PRR5L: variants seen among roughly 807,000 people sequenced by gnomAD.
PRR5L encodes the protein proline rich 5 like, also known as proline-rich protein 5-like.
In PRR5L, 21 loss-of-function variants were observed where a neutral mutation model predicts 36.4. That is an observed-to-expected ratio of 0.58 (90% confidence interval 0.41 to 0.83). PRR5L has a LOEUF of 0.83. Among genes scored for constraint, PRR5L ranks in the 40% least tolerant of loss-of-function variants. The probability of loss-of-function intolerance (pLI) is 0.00; values close to 1 mark genes in which losing one functional copy is unlikely to be tolerated. For synonymous variants in PRR5L, 188 were observed against 197.0 expected, an observed-to-expected ratio of 0.95 and a Z score of 0.38; for missense variants, 381 against 473.3, an observed-to-expected ratio of 0.80 and a Z score of 1.81.
intron 1 of PRR5L, among the ~76,000 whole-genome samples, chr11:36,365,005 C>T (rs899805708): frequency 6.6e-6 from 1 of 152,214 alleles, no homozygotes; most frequent in South Asian, 2.1e-4. Context: ...CCGTACATCA[C>T]AGGCAGGCTG....
chr11:36,348,978 C>T (rs1394333622), intron 1 of PRR5L, among the ~76,000 whole-genome samples: 1 of 152,074 alleles, frequency 6.6e-6, no homozygotes, highest in Admixed American at 6.5e-5. Context: ...TCCTTAGCAT[C>T]CCTCGCTGAA....
chr11:36,385,750 A>G (rs1401587658), intron 1 of PRR5L, among the ~76,000 whole-genome samples: 1 of 152,162 alleles, frequency 6.6e-6, no homozygotes. Flanking sequence ...AGTTGCAAAG[A>G]TTGGTCCTTA....
intron 1 of PRR5L, among the ~76,000 whole-genome samples, chr11:36,378,084 A>T (rs552410045): frequency 6.6e-6 from 1 of 152,312 alleles, no homozygotes; most frequent in South Asian, 2.1e-4. Flanking sequence ...AGAAATTTGC[A>T]GTCATGACAT....
At chr11:36,306,948 A>C (rs1318310397) in intron 1 of PRR5L, among the ~76,000 whole-genome samples, 2 of 152,200 alleles carry the variant, frequency 1.3e-5, no homozygotes, top group Non-Finnish European at 2.9e-5. Context: ...CTTCTCCTTG[A>C]GGCTCCTACC....
intron 1 of PRR5L, among the ~76,000 whole-genome samples, chr11:36,340,766 C>A (rs368731297): frequency 6.6e-6 from 1 of 152,124 alleles, no homozygotes; most frequent in Non-Finnish European, 1.5e-5. Flanking sequence ...ACTACAAAAA[C>A]CCCAGAGCTG....
chr11:36,426,690 G>C (rs1296086478), intron 4 of PRR5L, among the ~76,000 whole-genome samples: 2 of 152,230 alleles, frequency 1.3e-5, no homozygotes, highest in African/African-American at 2.4e-5. Flanking sequence ...TGTGGCGAAA[G>C]TAAAATGTGA....
chr11:36,390,274 T>C (rs1414127939), intron 1 of PRR5L, among the ~76,000 whole-genome samples: 4 of 151,794 alleles, frequency 2.6e-5, no homozygotes, highest in African/African-American at 9.7e-5. Flanking sequence ...TGGGAAATAT[T>C]TCACATAGAG....
intron 8 of PRR5L, among the ~76,000 whole-genome samples, chr11:36,454,386 G>A (rs113915923): frequency 7.2e-5 from 11 of 152,254 alleles, no homozygotes; most frequent in African/African-American, 2.6e-4. Flanking sequence ...CAGGGCCTCC[G>A]TCTACCCCTT....
chr11:36,382,844 T>G (rs1051398963), intron 1 of PRR5L, among the ~76,000 whole-genome samples: 1 of 152,188 alleles, frequency 6.6e-6, no homozygotes, highest in Non-Finnish European at 1.5e-5. Context: ...TCAAGCCTAG[T>G]TGTACATCAG....
intron 4 of PRR5L, among the ~76,000 whole-genome samples, chr11:36,427,442 TG>T (rs1409174097): frequency 6.6e-6 from 1 of 152,014 alleles, no homozygotes; most frequent in Non-Finnish European, 1.5e-5. Flanking sequence ...AAGAGAAACT[TG>T]GGTCATCTCC....
chr11:36,369,819 A>T (rs890804013), intron 1 of PRR5L, among the ~76,000 whole-genome samples: 5 of 151,424 alleles, frequency 3.3e-5, no homozygotes, highest in Non-Finnish European at 5.9e-5. Context: ...CTGGTCTTGA[A>T]CTCCTGACCT....
intron 1 of PRR5L, chr11:36,376,256 G>A (rs1857256764): frequency 8.1e-6 from 10 of 1,233,736 alleles, no homozygotes; most frequent in Non-Finnish European, 1.1e-5. Flanking sequence ...GGGGACATTG[G>A]AGAGACACTA....
intron 1 of PRR5L, among the ~76,000 whole-genome samples, chr11:36,301,670 G>T: frequency 6.6e-6 from 1 of 152,164 alleles, no homozygotes; most frequent in Non-Finnish European, 1.5e-5. Flanking sequence ...TGCGTGCTGG[G>T]AGAGGAGAGC....
At chr11:36,388,119 T>C (rs1325806139) in intron 1 of PRR5L, 8 of 152,386 alleles carry the variant, frequency 5.2e-5, no homozygotes, top group African/African-American at 1.9e-4. Flanking sequence ...CCATTTATGA[T>C]GCATAGCGCA....
chr11:36,362,502 C>T (rs563442383), intron 1 of PRR5L, among the ~76,000 whole-genome samples: 1 of 152,082 alleles, frequency 6.6e-6, no homozygotes, highest in South Asian at 2.1e-4. Context: ...GTATCTTTAC[C>T]CCAGGAACAA....
intron 1 of PRR5L, among the ~76,000 whole-genome samples, chr11:36,384,853 T>TA (rs1857430530): frequency 6.7e-6 from 1 of 149,250 alleles, no homozygotes; most frequent in African/African-American, 2.5e-5. Context: ...TTTTTTTTTT[T>TA]AGAGTTGGGA....
chr11:36,432,693 C>G (rs1270026401), intron 5 of PRR5L, among the ~76,000 whole-genome samples: 1 of 152,044 alleles, frequency 6.6e-6, no homozygotes, highest in Non-Finnish European at 1.5e-5. Flanking sequence ...AACACCATAC[C>G]TGGCACACAG....
rs1313266024 is a variant in PRR5L, at chr11:36,446,338, C to T, written c.483C>T (p.Gly161=). The T allele has an allele frequency of 6.2e-7, 1 of 1,614,116 alleles. No individual in the cohort carries two copies. Among genetic ancestry groups the T allele is most frequent in the Non-Finnish European group, 8.5e-7 (1 of 1,180,026 alleles). ...ELTIRQISLL[G]FRDLVLLKVK... is the part of the protein sequence containing the mutation. ...CTATCCGCCAGATCTCCCTGCTGGG[C>T]TTCCGAGACCTAGTCTTGCTGAAGG... Residue 161 remains glycine (G), a synonymous_variant, in exon 7 of 9, where the codon GGC becomes GGT. Coordinates refer to ENST00000530639, the MANE Select transcript of PRR5L (RefSeq NM_001160167.2).
intron 3 of PRR5L, 56 bp downstream of exon 3, chr11:36,403,434 T>G: frequency 7.1e-7 from 1 of 1,402,436 alleles, no homozygotes; most frequent in Non-Finnish European, 1.0e-6. Context: ...AGCAGGGGCA[T>G]AGGGGCTACC....
Sources: gnomAD v4.1 joint callset for allele counts (sites outside exome capture counted in the v4.1 genomes callset) on GRCh38, gnomAD v4.1.1 for gene constraint, MANE v1.5 for transcripts, NCBI Gene and HGNC (gene_info 2026-07-23, HGNC 2026-07-21) for gene names.